Variants in NCAPD2 observed in about 807,000 individuals in gnomAD.
NCAPD2 encodes non-SMC condensin I complex subunit D2, also known as condensin complex subunit 1.
Under a neutral mutation model 164.5 loss-of-function variants are expected in NCAPD2, and 100 were observed. The observed-to-expected ratio is 0.61, with a 90% confidence interval of 0.52 to 0.72. The LOEUF (loss-of-function observed/expected upper bound fraction) is 0.72, where lower values mean the gene tolerates loss of function less well. NCAPD2 is among the 30% of genes least tolerant of loss of function. The pLI, the probability that NCAPD2 is intolerant of heterozygous loss-of-function variation, is 0.00. For missense variants in NCAPD2, 1,560 were observed against 1,749.2 expected (o/e 0.89, Z 1.93); for synonymous variants, 585 against 642.6 (o/e 0.91, Z 1.36).
rs1018912946 is a variant in NCAPD2, at chr12:6,531,468, G to A, written c.*56G>A. The A allele has an allele frequency of 1.4e-5, 23 of 1,595,836 alleles. No homozygotes were observed. The highest frequency in any genetic ancestry group is 1.8e-4 in the Middle Eastern group (1 of 5,584). On this transcript the variant is annotated 3_prime_UTR_variant, in exon 32 of 32. Coordinates refer to ENST00000315579, the MANE Select transcript of NCAPD2 (RefSeq NM_014865.4). The surrounding 1 kb of genome is among the most constrained non-coding windows in gnomAD (Gnocchi z 4.1). The stretch of plus-strand genomic sequence containing the variant: ...TATCCTGTAGGGTGACCTGGAATTC[G>A]AATTCTGTTTCCCTTGTAAAATATT...
intron 2 of NCAPD2, among the ~76,000 whole-genome samples, chr12:6,504,202 T>TACATATATAC (rs1167298270): frequency 8.2e-4 from 18 of 22,006 alleles, no homozygotes; most frequent in African/African-American, 6.5e-3. Context: ...TATATATATA[T>TACATATATAC]ATATATATAT....
chr12:6,494,935 A>T lies in NCAPD2; in HGVS notation c.-23-141A>T, dbSNP rs1276862823. On this transcript the variant is annotated intron_variant, in intron 1 of 31. Transcript: ENST00000315579. ...ACCATTATATATGTTGGGGGTGGGG[A>T]ACTAACAAAACCAGATGATGTTACT... 4 of 739,528 alleles carry T rather than the reference A, an allele frequency of 5.4e-6. No homozygotes were observed. In the East Asian group the frequency reaches 1.1e-4, roughly 19 times the overall value. The allele number at this position is 739,528 out of a possible 1,614,324, so 45.8% of individuals were successfully genotyped here.
rs570257017 is a variant in NCAPD2, at chr12:6,509,755, A to G, written c.166A>G (p.Met56Val). 24 of 1,614,086 alleles carry G rather than the reference A, an allele frequency of 1.5e-5. No individual in the cohort carries two copies. In the South Asian group the frequency reaches 2.3e-4, roughly 16 times the overall value. Residue 56 changes from methionine (M) to valine (V), a missense_variant, in exon 3 of 32, where the codon ATG (methionine) becomes GTG (valine). Physicochemically the swap from Met to Val is conservative, Grantham distance 21. Transcript: ENST00000315579. ...AAFRAQGPLA[M>V]LQHFDTIYSI... ...CTTTCGAGCTCAGGGGCCCCTGGCT[A>G]TGCTGCAGCACTTTGATACTATCTA...
chr12:6,514,147 G>A, intron 6 of NCAPD2, 118 bp from the exon 7 acceptor site: 1 of 1,369,708 alleles, frequency 7.3e-7, no homozygotes, highest in Middle Eastern at 2.3e-4. Context: ...GAAAGTAATG[G>A]CTAGAATAAA....
chr12:6,530,344 C>T (rs897627650), intron 29 of NCAPD2, among the ~76,000 whole-genome samples: 1 of 152,214 alleles, frequency 6.6e-6, no homozygotes, highest in Non-Finnish European at 1.5e-5. Flanking sequence ...TACAGCTGAA[C>T]CTACACTTAC....
intron 13 of NCAPD2, among the ~76,000 whole-genome samples, chr12:6,518,503 A>ATTTT (rs1565544079): frequency 3.3e-5 from 1 of 30,714 alleles, no homozygotes; most frequent in African/African-American, 2.0e-4. Flanking sequence ...GCCGTCAACA[A>ATTTT]GTTTTTTTTT....
In NCAPD2 at chr12:6,516,828, A is replaced by T. The variant is rs1201695635; in HGVS notation, c.988A>T (p.Asn330Tyr). The T allele has an allele frequency of 6.2e-7, 1 of 1,614,060 alleles. No homozygotes were observed. Among genetic ancestry groups the T allele is most frequent in the Non-Finnish European group, 8.5e-7 (1 of 1,179,988 alleles). ...CILLDHLDGE[N>Y]YMMRNAVLAA... Reference sequence around the variant, plus strand: ...ACCCCTCTATGCTTCTCTCTCTTAGAATTACATGATGCGTAATGCTGTGCT... The same window carrying T: ...ACCCCTCTATGCTTCTCTCTCTTAGTATTACATGATGCGTAATGCTGTGCT... The change falls in exon 10 of 32, where the codon AAT (asparagine) becomes TAT (tyrosine). Residue 330 changes from asparagine (N) to tyrosine (Y), a missense_variant and splice_region_variant. Asn to Tyr is a moderately radical substitution (Grantham distance 143, BLOSUM62 -2). Coordinates refer to ENST00000315579, the MANE Select transcript of NCAPD2 (RefSeq NM_014865.4).
chr12:6,530,789 A>C lies in NCAPD2; in HGVS notation c.3936A>C (p.Arg1312Ser). ...AGATTGGCCAAGCAGGTAGCCAGAGAGCGCCATCAGCCAAGAAACCATCCA... is the reference window on the plus strand; with the variant it reads ...AGATTGGCCAAGCAGGTAGCCAGAGCGCGCCATCAGCCAAGAAACCATCCA... ...ELEIGQAGSQ[R>S]APSAKKPSTG... Residue 1312 changes from arginine (R) to serine (S), a missense_variant, in exon 30 of 32, where the codon AGA (arginine) becomes AGC (serine). By Grantham distance (110) the Arg-to-Ser change is moderately radical (BLOSUM62 -1). Transcript: ENST00000315579. 6.2e-7 allele frequency: 1 copy of C among 1,614,168 alleles called. No individual in the cohort carries two copies. The highest frequency in any genetic ancestry group is 8.5e-7 in the Non-Finnish European group (1 of 1,180,026).
intron 2 of NCAPD2, among the ~76,000 whole-genome samples, chr12:6,498,305 T>G (rs928421628): frequency 6.6e-6 from 1 of 152,228 alleles, no homozygotes; most frequent in Non-Finnish European, 1.5e-5. Flanking sequence ...ATCATTTAAT[T>G]CATTTAACAA....
chr12:6,503,008 C>CT (rs58563520), intron 2 of NCAPD2, among the ~76,000 whole-genome samples: 13,622 of 86,058 alleles, frequency 0.16, 1,750 homozygotes, highest in Non-Finnish European at 0.21. Flanking sequence ...CCACACCTGG[C>CT]TTTTTTTTTT....
intron 17 of NCAPD2, 52 bp downstream of exon 17, chr12:6,523,398 G>GTT (rs3076239): frequency 0.15 from 127,285 of 850,010 alleles, 4,007 homozygotes; most frequent in Non-Finnish European, 0.17. Flanking sequence ...TATTTTGGTT[G>GTT]TTTTTTTTTT....
rs769643602 is a variant in NCAPD2 at position 6,510,081 on chromosome 12, T to C, written c.210T>C (p.Phe70=). ...FDTIYSILHH[F]RSIDPGLKED... Reference sequence around the variant, plus strand: ...CACTTTCTTTCCCTCATAGTCACTTTCGAAGTATAGATCCTGGCCTCAAAG... The same window carrying C: ...CACTTTCTTTCCCTCATAGTCACTTCCGAAGTATAGATCCTGGCCTCAAAG... Residue 70 remains phenylalanine, a synonymous_variant, in exon 4 of 32, where the codon TTT becomes TTC. Transcript: ENST00000315579. 1.4e-5 allele frequency: 23 copies of C among 1,613,024 alleles called. No individual in the cohort carries two copies. The highest frequency in any genetic ancestry group is 2.0e-5 in the Non-Finnish European group (23 of 1,179,052).
In NCAPD2 at chr12:6,521,127, T is replaced by A; in HGVS notation, c.1714+17T>A. 4 of 1,612,862 alleles carry A rather than the reference T, an allele frequency of 2.5e-6. No individual in the cohort carries two copies. The highest frequency in any genetic ancestry group is 3.4e-6 in the Non-Finnish European group (4 of 1,179,506). ...TCTTCAAAGGTAATCATTTTCCTTCTTCAGTCAATAAATAACACATGTCAA... is the reference window on the plus strand; with the variant it reads ...TCTTCAAAGGTAATCATTTTCCTTCATCAGTCAATAAATAACACATGTCAA... On this transcript the variant is annotated intron_variant, in intron 14 of 31. Coordinates refer to ENST00000315579, the MANE Select transcript of NCAPD2 (RefSeq NM_014865.4).
chr12:6,501,807 C>T (rs1946039987), intron 2 of NCAPD2, among the ~76,000 whole-genome samples: 1 of 152,016 alleles, frequency 6.6e-6, no homozygotes, highest in South Asian at 2.1e-4. Context: ...GGGCAGAAAG[C>T]GAATGAAGGA....
chr12:6,527,151 C>G, intron 22 of NCAPD2, 88 bp downstream of exon 22: 1 of 1,379,748 alleles, frequency 7.2e-7, no homozygotes, highest in Non-Finnish European at 9.7e-7. Flanking sequence ...CTCTGCTCCT[C>G]TGCTATTACA....
chr12:6,529,337 C>A (rs374180316), intron 27 of NCAPD2, 176 bp from the exon 28 acceptor site: 2 of 645,942 alleles, frequency 3.1e-6, no homozygotes, highest in Non-Finnish European at 2.7e-6. Flanking sequence ...GAGCCGGGGG[C>A]GGGGTGGGGT....
chr12:6,520,900 G>A (rs1946257414), intron 13 of NCAPD2, 86 bp from the exon 14 acceptor site: 1 of 1,577,174 alleles, frequency 6.3e-7, no homozygotes, highest in Non-Finnish European at 8.6e-7. Flanking sequence ...GTAGGTCCAG[G>A]GACTTGATAG....
chr12:6,506,766 G>A (rs1946103478), intron 2 of NCAPD2, among the ~76,000 whole-genome samples: 1 of 151,920 alleles, frequency 6.6e-6, no homozygotes, highest in African/African-American at 2.4e-5. Context: ...GATTGCTTGA[G>A]CCCAGGAATT....
chr12:6,518,525 T>TTTTTTTTTTTG (rs1565544209), intron 13 of NCAPD2, among the ~76,000 whole-genome samples: 3 of 122,056 alleles, frequency 2.5e-5, no homozygotes, highest in African/African-American at 9.9e-5. Context: ...TTTTTTTTTT[T>TTTTTTTTTTTG]TTTTTTTTTG....
Sources: allele counts gnomAD v4.1 joint callset (sites outside exome capture counted in the v4.1 genomes callset), GRCh38; gene constraint gnomAD v4.1.1; non-coding constraint Gnocchi (gnomAD v3.1); transcripts MANE v1.5; gene names NCBI Gene and HGNC (gene_info 2026-07-23, HGNC 2026-07-21).